The following CSF2RA variants were observed in gnomAD, a reference collection of about 807,000 sequenced individuals.
CSF2RA encodes granulocyte-macrophage colony-stimulating factor receptor subunit alpha.
A neutral mutation model predicts 51.6 loss-of-function variants in CSF2RA; 42 were observed. The observed-to-expected ratio is 0.81, with a 90% CI of 0.64 to 1.05. CSF2RA has a LOEUF of 1.05. Ranked by LOEUF, CSF2RA falls within the 50% of genes least tolerant of loss-of-function variation. The pLI is 0.00. For synonymous variants in CSF2RA, 222 were observed against 193.0 expected (o/e 1.15, Z -1.24); for missense variants, 530 against 501.1 (o/e 1.06, Z -0.55).
intron 12 of CSF2RA, among the ~76,000 whole-genome samples, chrX:1,307,630 C>A (rs2083755108): frequency 6.8e-6 from 1 of 147,018 alleles, no homozygotes; most frequent in Non-Finnish European, 1.5e-5. Context: ...GCCCACCCTC[C>A]CCTTTATACC....
Position 1,288,768 on chromosome X carries a change from G to T in CSF2RA, c.353G>T (p.Gly118Val). The change falls in exon 6 of 13, where the codon GGT (glycine) becomes GTT (valine). Residue 118 changes from glycine to valine, a missense_variant. Transcript: ENST00000381529. ...TTCTACCTCTTCCCAGGAAGGGAGG[G>T]TACCGCTGCTCAGAATTTCTCCTGT... ...KLLYPNSGREGTAAQNFSCFI... is the reference protein window; with the variant it reads ...KLLYPNSGREVTAAQNFSCFI... The T allele has an allele frequency of 1.2e-6, 2 of 1,613,862 alleles. No homozygotes were observed. Among genetic ancestry groups the T allele is most frequent in the Non-Finnish European group, 1.7e-6 (2 of 1,179,848 alleles).
chrX:1,293,033 T>G (rs1340212535), intron 7 of CSF2RA, among the ~76,000 whole-genome samples: 24 of 152,144 alleles, frequency 1.6e-4, no homozygotes, highest in African/African-American at 5.3e-4. Context: ...TTACCAAGCA[T>G]GCTGCCTGCA....
At chrX:1,308,876 C>G (rs2083939871) in intron 12 of CSF2RA, among the ~76,000 whole-genome samples, 1 of 152,134 alleles carries the variant, frequency 6.6e-6, no homozygotes, top group Non-Finnish European at 1.5e-5. Context: ...CAAAGACCAC[C>G]CTGTTCATCG....
the CSF2RA span, among the ~76,000 whole-genome samples, chrX:1,317,863 A>C: frequency 1.1e-4 from 17 of 152,058 alleles, no homozygotes; most frequent in East Asian, 2.7e-3. Context: ...GCTGGAGTGC[A>C]GTGGCGACTC....
At chrX:1,280,853 TCTCCTC>T (rs375893469) in intron 2 of CSF2RA, among the ~76,000 whole-genome samples, 8 of 76,702 alleles carry the variant, frequency 1.0e-4, no homozygotes, top group African/African-American at 1.6e-4. Flanking sequence ...TTCCTCTCCT[TCTCCTC>T]CTCCTCCTCC....
intron 4 of CSF2RA, among the ~76,000 whole-genome samples, chrX:1,288,061 C>A (rs1237388732): frequency 5.3e-5 from 8 of 151,462 alleles, no homozygotes; most frequent in East Asian, 1.9e-4. Context: ...TTCAGCACTG[C>A]TAGAGTATAA....
chrX:1,321,309 A>G, the CSF2RA span, among the ~76,000 whole-genome samples: 16,447 of 151,830 alleles, frequency 0.11, 1,171 homozygotes, highest in East Asian at 0.23. Context: ...CTCCACTAAA[A>G]ATACAAAAAA....
At chrX:1,311,791 A>G (rs1280490005), downstream of CSF2RA, among the ~76,000 whole-genome samples, 3 of 152,008 alleles carry the variant, frequency 2.0e-5, no homozygotes, top group Non-Finnish European at 1.5e-5. Context: ...ATCCCTTTGT[A>G]GCAACACAAA....
intron 8 of CSF2RA, among the ~76,000 whole-genome samples, chrX:1,294,940 C>T: frequency 6.6e-6 from 1 of 152,210 alleles, no homozygotes; most frequent in African/African-American, 2.4e-5. Flanking sequence ...CCACAACTAC[C>T]TGGACCCAGT....
chrX:1,295,944 T>A (rs1298388994), intron 9 of CSF2RA, among the ~76,000 whole-genome samples: 2 of 149,174 alleles, frequency 1.3e-5, no homozygotes, highest in Admixed American at 6.7e-5. Context: ...AGTCCCCTAC[T>A]CACCACATCT....
chrX:1,277,764 G>A lies in CSF2RA; in HGVS notation c.-27+2946G>A, dbSNP rs2089378771. Among the ~76,000 whole-genome samples the A allele has an allele frequency of 1.1e-4, 16 of 148,904 alleles. No individual in the cohort carries two copies. The Admixed American group carries it at 1.1e-3, about 10-fold the overall frequency. On this transcript the variant is annotated intron_variant, in intron 2 of 12. Coordinates refer to ENST00000381529, the MANE Select transcript of CSF2RA (RefSeq NM_172245.4). Reference sequence around the variant, plus strand: ...GGTGGAGGTGGGCAGATCACCTGAGGTCAGGAGTTCGAGACCAGCCTGACC... The same window carrying A: ...GGTGGAGGTGGGCAGATCACCTGAGATCAGGAGTTCGAGACCAGCCTGACC...
chrX:1,284,887 G>A (rs1275756405), intron 3 of CSF2RA, among the ~76,000 whole-genome samples: 6 of 151,762 alleles, frequency 4.0e-5, no homozygotes, highest in African/African-American at 7.3e-5. Context: ...GGCTGGTCTC[G>A]AACTGCTGAC....
chrX:1,283,115 GTTCCTTCGTTCCTTCCTTCCTTCC>G (rs2090231551), intron 3 of CSF2RA, among the ~76,000 whole-genome samples: 1 of 91,128 alleles, frequency 1.1e-5, no homozygotes, highest in African/African-American at 3.7e-5. Context: ...TCGTTCCTTC[GTTCCTTCGTTCCTTCCTTCCTTCC>G]TTCCTTCCTT....
intron 4 of CSF2RA, 78 bp downstream of exon 4, chrX:1,285,998 C>T (rs759338328): frequency 2.0e-5 from 32 of 1,589,672 alleles, no homozygotes; most frequent in South Asian, 1.2e-4. Flanking sequence ...GCCGGCTGGG[C>T]GCGGCGGCTC....
chrX:1,275,486 G>A (rs73175786), intron 2 of CSF2RA, among the ~76,000 whole-genome samples: 348 of 152,196 alleles, frequency 2.3e-3, no homozygotes, highest in Non-Finnish European at 3.4e-3. Context: ...CTGAGAACAC[G>A]TATCCAAGCT....
chrX:1,274,349 T>C (rs767252893), intron 1 of CSF2RA, among the ~76,000 whole-genome samples: 1 of 151,662 alleles, frequency 6.6e-6, no homozygotes, highest in East Asian at 2.0e-4. Context: ...GATCCAGTCT[T>C]GTTCTGTCAC....
chrX:1,268,882 A>G lies in CSF2RA; in HGVS notation c.-91+3A>G, dbSNP rs1240632015. On this transcript the variant is annotated splice_donor_region_variant and intron_variant, in intron 1 of 12. Coordinates refer to ENST00000381529, the MANE Select transcript of CSF2RA (RefSeq NM_172245.4). ...GAGAGGAAGCGGATGCCGTGGGGGT[A>G]AGCTAAGTTCTTTCCTTCTGTGGTC... 2 of 453,844 alleles carry G rather than the reference A, an allele frequency of 4.4e-6. No homozygotes were observed. The highest frequency in any genetic ancestry group is 4.0e-5 in the African/African-American group (2 of 49,930). 28.1% of individuals were successfully genotyped at this position (453,844 alleles called of 1,614,324 possible).
chrX:1,305,562 G>A lies in CSF2RA; in HGVS notation c.1125+35G>A, dbSNP rs1433278375. ...GGTGGGCGGAGCAGTGACCTGGGATGGAAGGTGGGGAGTGGGGAGCGTGGG... is the reference window on the plus strand; with the variant it reads ...GGTGGGCGGAGCAGTGACCTGGGATAGAAGGTGGGGAGTGGGGAGCGTGGG... On this transcript the variant is annotated intron_variant, in intron 12 of 12. Transcript: ENST00000381529. The A allele has an allele frequency of 2.5e-6, 4 of 1,614,002 alleles. No homozygotes were observed. The Admixed American group carries it at 5.0e-5, about 20-fold the overall frequency.
chrX:1,305,196 G>A (rs367672523), intron 11 of CSF2RA, among the ~76,000 whole-genome samples: 14 of 150,332 alleles, frequency 9.3e-5, no homozygotes, highest in Admixed American at 2.7e-4. Context: ...GTTTCACCAC[G>A]TTGGCCAGGC....
Sources: gnomAD v4.1 joint callset for allele counts (sites outside exome capture counted in the v4.1 genomes callset) on GRCh38, gnomAD v4.1.1 for gene constraint, MANE v1.5 for transcripts, NCBI Gene and HGNC (gene_info 2026-07-23, HGNC 2026-07-21) for gene names.